The following KCNC2 variants were observed in gnomAD, a reference collection of about 807,000 sequenced individuals.
KCNC2 encodes the protein potassium voltage-gated channel subfamily C member 2.
In KCNC2, 21 loss-of-function variants were observed where a neutral mutation model predicts 44.5. That is an observed-to-expected ratio of 0.47 (90% CI 0.33 to 0.68). The LOEUF is 0.68. Ranked by LOEUF, KCNC2 falls within the 30% of genes least tolerant of loss-of-function variation. The probability of loss-of-function intolerance (pLI) is 0.01; values close to 1 mark genes in which losing one functional copy is unlikely to be tolerated. For synonymous variants in KCNC2, 391 were observed against 339.1 expected (o/e 1.15, Z -1.68); for missense variants, 589 against 826.2 (o/e 0.71, Z 3.52).
chr12:75,151,032 G>C (rs1231742178), intron 2 of KCNC2, among the ~76,000 whole-genome samples: 1 of 151,800 alleles, frequency 6.6e-6, no homozygotes, highest in Non-Finnish European at 1.5e-5. Context: ...TATCAAAAAT[G>C]ATTTTTATCT....
At chr12:75,193,350 T>C (rs959058077) in intron 2 of KCNC2, among the ~76,000 whole-genome samples, 4 of 152,132 alleles carry the variant, frequency 2.6e-5, no homozygotes, top group African/African-American at 4.8e-5. Context: ...TAATTCAATA[T>C]AGGTAAAGAA....
At position 75,048,253 on chromosome 12, in the gene KCNC2, G is replaced by C. The variant is rs1410222424; in HGVS notation, c.1680C>G (p.Ile560Met). The C allele has an allele frequency of 2.5e-6, 4 of 1,612,964 alleles. No individual in the cohort carries two copies. Among genetic ancestry groups the C allele is most frequent in the Non-Finnish European group, 3.4e-6 (4 of 1,179,382 alleles). ...PPLSPPERLP[I>M]RRSSTRDKNR... Reference sequence around the variant, plus strand: ...TTTTGTCTCTGGTACTAGAGCGTCTGATGGGGAGCCTTTCTGGGGGTGATA... The same window carrying C: ...TTTTGTCTCTGGTACTAGAGCGTCTCATGGGGAGCCTTTCTGGGGGTGATA... Residue 560 changes from isoleucine (I) to methionine (M), a missense_variant, in exon 4 of 5, where the codon ATC (isoleucine) becomes ATG (methionine). By Grantham distance (10) the Ile-to-Met change is conservative (BLOSUM62 1). This residue lies in a region of KCNC2 where 171 missense variants were observed against 182.4 expected (regional missense o/e 0.94). Coordinates refer to ENST00000549446, the MANE Select transcript of KCNC2 (RefSeq NM_139137.4).
chr12:75,085,449 C>A (rs959371244), intron 2 of KCNC2, among the ~76,000 whole-genome samples: 2 of 151,996 alleles, frequency 1.3e-5, no homozygotes, highest in African/African-American at 2.4e-5. Context: ...CTATGCTATG[C>A]ATTTTATATT....
chr12:75,157,505 T>A (rs1461004060), intron 2 of KCNC2, among the ~76,000 whole-genome samples: 1 of 151,910 alleles, frequency 6.6e-6, no homozygotes, highest in East Asian at 1.9e-4. Context: ...AATAGATTTA[T>A]CCTCAAGAAG....
At chr12:75,189,125 G>T (rs1032062027) in intron 2 of KCNC2, among the ~76,000 whole-genome samples, 10 of 152,124 alleles carry the variant, frequency 6.6e-5, no homozygotes, top group Admixed American at 3.3e-4. Flanking sequence ...GTTGGTGCAG[G>T]CATTGTCTCT....
intron 4 of KCNC2, chr12:75,043,837 A>G (rs953958062): frequency 6.4e-6 from 8 of 1,247,932 alleles, no homozygotes; most frequent in Non-Finnish European, 8.7e-6. Flanking sequence ...AGTAAAGGAA[A>G]AAAAAAGAAA....
chr12:75,095,854 T>C (rs923556750), intron 2 of KCNC2, among the ~76,000 whole-genome samples: 2 of 151,986 alleles, frequency 1.3e-5, no homozygotes, highest in Non-Finnish European at 2.9e-5. Flanking sequence ...TTGACTTTCA[T>C]ACCATAATTA....
chr12:75,067,205 CA>C (rs1289162670), intron 2 of KCNC2, among the ~76,000 whole-genome samples: 3 of 151,218 alleles, frequency 2.0e-5, no homozygotes, highest in Admixed American at 6.6e-5. Flanking sequence ...TGTCTCAAAA[CA>C]AAAAAACAAA....
At position 75,043,307 on chromosome 12, in the gene KCNC2, A is replaced by G; in HGVS notation, c.1781-66T>C. The G allele has an allele frequency of 1.9e-5, 29 of 1,560,984 alleles. 1 individual carries two copies. In the South Asian group the frequency reaches 3.2e-4, roughly 17 times the overall value. The stretch of plus-strand genomic sequence containing the variant: ...AGAATATAGACAGACAAATAATACC[A>G]TGCAGGGCAATCAAAAGTGCTACTT... On this transcript the variant is annotated intron_variant, in intron 4 of 4. Transcript: ENST00000549446.
chr12:75,109,131 G>T (rs769633738), intron 2 of KCNC2, among the ~76,000 whole-genome samples: 1 of 152,136 alleles, frequency 6.6e-6, no homozygotes, highest in Non-Finnish European at 1.5e-5. Flanking sequence ...TATCTAGAGG[G>T]ATTCATGTGA....
At chr12:75,159,203 G>A (rs565413432) in intron 2 of KCNC2, among the ~76,000 whole-genome samples, 2 of 151,572 alleles carry the variant, frequency 1.3e-5, no homozygotes, top group South Asian at 4.2e-4. Flanking sequence ...AACCACCACG[G>A]CACATGTATA....
At chr12:75,204,000 A>G (rs1045614101) in intron 2 of KCNC2, among the ~76,000 whole-genome samples, 5 of 151,972 alleles carry the variant, frequency 3.3e-5, no homozygotes, top group African/African-American at 1.2e-4. Flanking sequence ...TTGAAAATAT[A>G]CAGTGCATCA....
intron 2 of KCNC2, among the ~76,000 whole-genome samples, chr12:75,063,417 A>G (rs1374917061): frequency 6.6e-6 from 1 of 152,082 alleles, no homozygotes; most frequent in Non-Finnish European, 1.5e-5. Flanking sequence ...CCAAGACTCA[A>G]CATGTGAGTT....
chr12:75,053,425 G>C (rs1881402871), intron 2 of KCNC2, among the ~76,000 whole-genome samples: 1 of 151,828 alleles, frequency 6.6e-6, no homozygotes, highest in Non-Finnish European at 1.5e-5. Flanking sequence ...ACAAAATTTT[G>C]GTTTCTATGC....
intron 2 of KCNC2, among the ~76,000 whole-genome samples, chr12:75,076,188 C>G (rs1313554619): frequency 6.6e-6 from 1 of 152,130 alleles, no homozygotes; most frequent in Non-Finnish European, 1.5e-5. Context: ...TTACAGCAGA[C>G]TTAAGAATAT....
intron 2 of KCNC2, among the ~76,000 whole-genome samples, chr12:75,095,603 A>G (rs1277779321): frequency 6.6e-6 from 1 of 151,862 alleles, no homozygotes; most frequent in Non-Finnish European, 1.5e-5. Flanking sequence ...ACAGAAAAGA[A>G]AATTTTCACT....
intron 2 of KCNC2, among the ~76,000 whole-genome samples, chr12:75,167,668 C>T (rs1388552612): frequency 6.6e-6 from 1 of 151,412 alleles, no homozygotes; most frequent in Non-Finnish European, 1.5e-5. Context: ...TGTAACTGAT[C>T]CATTGTGTTT....
At chr12:75,151,975 A>G (rs1296361765) in intron 2 of KCNC2, among the ~76,000 whole-genome samples, 1 of 146,218 alleles carries the variant, frequency 6.8e-6, no homozygotes, top group Non-Finnish European at 1.5e-5. Context: ...TTATACATTT[A>G]TATATTATAT....
intron 2 of KCNC2, among the ~76,000 whole-genome samples, chr12:75,054,530 A>G (rs1881530758): frequency 6.6e-6 from 1 of 152,148 alleles, no homozygotes; most frequent in Non-Finnish European, 1.5e-5. Flanking sequence ...ATTAAATTTT[A>G]AGATGATGCC....
Sources: allele counts gnomAD v4.1 joint callset (sites outside exome capture counted in the v4.1 genomes callset), GRCh38; gene constraint gnomAD v4.1.1; regional missense constraint gnomAD v4.1.1; transcripts MANE v1.5; gene names NCBI Gene and HGNC (gene_info 2026-07-23, HGNC 2026-07-21).